The following ACOT7 variants were observed in gnomAD, a reference collection of about 807,000 sequenced individuals.
ACOT7 encodes the protein acyl-CoA thioesterase 7.
Under a neutral mutation model 40.2 loss-of-function variants are expected in ACOT7, and 12 were observed. That is an observed-to-expected ratio of 0.30 (90% CI 0.19 to 0.48). The LOEUF (loss-of-function observed/expected upper bound fraction) is 0.48, where lower values mean the gene tolerates loss of function less well. Among genes scored for constraint, ACOT7 ranks in the 20% least tolerant of loss-of-function variants. ACOT7 has a pLI of 0.99. For missense variants in ACOT7, 395 were observed against 530.8 expected (o/e 0.74, Z 2.51); for synonymous variants, 228 against 219.5 (o/e 1.04, Z -0.34).
intron 4 of ACOT7, among the ~76,000 whole-genome samples, chr1:6,328,051 C>T (rs1571311624): frequency 6.6e-6 from 1 of 152,194 alleles, no homozygotes; most frequent in East Asian, 1.9e-4. Flanking sequence ...GGATTACAGG[C>T]GTGAGCCACC....
intron 7 of ACOT7, among the ~76,000 whole-genome samples, chr1:6,291,293 A>G (rs1639656681): frequency 6.6e-6 from 1 of 152,052 alleles, no homozygotes; most frequent in African/African-American, 2.4e-5. Context: ...TCCTTATAAG[A>G]GACAGAAGAG....
chr1:6,271,001 G>A (rs755070764), intron 8 of ACOT7, among the ~76,000 whole-genome samples: 1 of 152,152 alleles, frequency 6.6e-6, no homozygotes, highest in African/African-American at 2.4e-5. Context: ...AGGGAGCACC[G>A]CCTGGCACTC....
chr1:6,388,984 T>C (rs1642487908), intron 1 of ACOT7, among the ~76,000 whole-genome samples: 1 of 147,814 alleles, frequency 6.8e-6, no homozygotes, highest in Admixed American at 6.9e-5. Flanking sequence ...GAGCTTGCAG[T>C]GAGCCGAGAT....
rs1288563750 is a variant in ACOT7 at position 6,306,034 on chromosome 1, C to G, written c.713-11054G>C. Reference sequence around the variant, plus strand: ...AAACCCCGTCTCCACCAAAAAAATACGAAAACCAGTCAGGCGTGGCGGCGC... The same window carrying G: ...AAACCCCGTCTCCACCAAAAAAATAGGAAAACCAGTCAGGCGTGGCGGCGC... On this transcript the variant is annotated intron_variant, in intron 6 of 8. Coordinates refer to ENST00000361521, the MANE Select transcript of ACOT7 (RefSeq NM_007274.4). This position sits in a 1 kb window ranked among gnomAD's most constrained non-coding sequence, Gnocchi z 4.3. Among the ~76,000 whole-genome samples, 3 of 151,952 alleles carry G rather than the reference C, an allele frequency of 2.0e-5. No homozygotes were observed. The highest frequency in any genetic ancestry group is 4.2e-4 in the South Asian group (2 of 4,806).
rs753650981 is a variant in ACOT7 at position 6,281,139 on chromosome 1, C to T, written c.977G>A (p.Ser326Asn). Residue 326 changes from serine (S) to asparagine (N), a missense_variant, in exon 8 of 9, where the codon AGC (serine) becomes AAC (asparagine). Transcript: ENST00000361521. ...ASAFFTYVSL[S>N]QEGRSLPVPQ... ...CACAGGCAGCGACCTGCCTTCCTGG[C>T]TCAGCGACACGTAGGTGAAGAAGGC... is the stretch of plus-strand genomic sequence containing the variant. 1 of 1,614,060 alleles carries T rather than the reference C, an allele frequency of 6.2e-7. No individual in the cohort carries two copies. The highest frequency in any genetic ancestry group is 8.5e-7 in the Non-Finnish European group (1 of 1,180,046).
chr1:6,343,648 G>A (rs1406037160), intron 2 of ACOT7, among the ~76,000 whole-genome samples: 1 of 152,276 alleles, frequency 6.6e-6, no homozygotes, highest in Admixed American at 6.5e-5. Context: ...GGGCTGCACA[G>A]AGCCAGGCAA....
intron 8 of ACOT7, among the ~76,000 whole-genome samples, chr1:6,266,746 C>T (rs1025804313): frequency 6.6e-6 from 1 of 152,274 alleles, no homozygotes; most frequent in African/African-American, 2.4e-5. Context: ...AGCGGCAAGG[C>T]CGAGGCTCAG....
At chr1:6,268,495 A>G (rs1338942496) in intron 8 of ACOT7, among the ~76,000 whole-genome samples, 2 of 152,190 alleles carry the variant, frequency 1.3e-5, no homozygotes, top group Admixed American at 1.3e-4. Flanking sequence ...CCAGGCCCCA[A>G]AGAGACGGGG....
intron 2 of ACOT7, among the ~76,000 whole-genome samples, chr1:6,343,482 T>C (rs567553494): frequency 1.3e-5 from 2 of 152,392 alleles, no homozygotes; most frequent in South Asian, 4.1e-4. Context: ...GGTGGCCCGA[T>C]GCTTCCCCAT....
intron 7 of ACOT7, among the ~76,000 whole-genome samples, chr1:6,284,576 CAAAAAAAAAAAAAA>C (rs561943319): frequency 6.9e-5 from 4 of 57,980 alleles, no homozygotes; most frequent in Non-Finnish European, 1.4e-4. Context: ...AACTCCATCT[CAAAAAAAAAAAAAA>C]AAAAAAAAAG....
chr1:6,328,399 G>A (rs1274599273), intron 4 of ACOT7, among the ~76,000 whole-genome samples: 2 of 152,164 alleles, frequency 1.3e-5, no homozygotes, highest in Admixed American at 1.3e-4. Flanking sequence ...GGTGGCTCGT[G>A]CCTGTAATCC....
intron 8 of ACOT7, among the ~76,000 whole-genome samples, chr1:6,269,019 A>G (rs1344126878): frequency 1.3e-5 from 2 of 152,182 alleles, no homozygotes; most frequent in Non-Finnish European, 2.9e-5. Context: ...CGATAAGGGG[A>G]TATTCCCTGC....
chr1:6,385,903 G>A, intron 1 of ACOT7: 1 of 1,224,346 alleles, frequency 8.2e-7, no homozygotes, highest in Non-Finnish European at 1.1e-6. Flanking sequence ...GTGATGCAAG[G>A]AATCCATGAC....
chr1:6,375,953 AT>A (rs1291500833), intron 1 of ACOT7, among the ~76,000 whole-genome samples: 6 of 130,150 alleles, frequency 4.6e-5, no homozygotes, highest in East Asian at 2.4e-4. Context: ...AAAAAAAAAA[AT>A]TTTTTTAAAT....
At chr1:6,305,294 A>G in intron 6 of ACOT7, among the ~76,000 whole-genome samples, 1 of 116,902 alleles carries the variant, frequency 8.6e-6, no homozygotes, top group East Asian at 2.4e-4. Flanking sequence ...GTCCGGGCAG[A>G]GGGGCTCCTC....
chr1:6,293,728 G>A (rs1639735473), intron 7 of ACOT7, among the ~76,000 whole-genome samples: 1 of 152,180 alleles, frequency 6.6e-6, no homozygotes, highest in African/African-American at 2.4e-5. Context: ...TCTGCAAAGT[G>A]GAAGAAAGCA....
intron 1 of ACOT7, among the ~76,000 whole-genome samples, chr1:6,351,367 TG>T (rs765103050): frequency 2.6e-5 from 4 of 152,390 alleles, no homozygotes; most frequent in Non-Finnish European, 5.9e-5. Context: ...AAACCTCATT[TG>T]GCTTCTCAAG....
chr1:6,279,529 C>T (rs1470481139), intron 8 of ACOT7, among the ~76,000 whole-genome samples: 3 of 152,180 alleles, frequency 2.0e-5, no homozygotes, highest in Admixed American at 1.3e-4. Context: ...GGCCTGGTCA[C>T]GAGAGTCATG....
rs1639611159 is a variant in ACOT7 at position 6,289,685 on chromosome 1, T to C, written c.829+5179A>G. Among the ~76,000 whole-genome samples, 1 of 151,046 alleles carries C rather than the reference T, an allele frequency of 6.6e-6. No homozygotes were observed. The highest frequency in any genetic ancestry group is 1.5e-5 in the Non-Finnish European group (1 of 67,952). Reference sequence around the variant, plus strand: ...CACTGTGACCAGCCTGCTTTTTTTGTGTGTGTTTTGTTTTGTTTTGTTTTT... The same window carrying C: ...CACTGTGACCAGCCTGCTTTTTTTGCGTGTGTTTTGTTTTGTTTTGTTTTT... On this transcript the variant is annotated intron_variant, in intron 7 of 8. Coordinates refer to ENST00000361521, the MANE Select transcript of ACOT7 (RefSeq NM_007274.4). The surrounding 1 kb of genome is among the most constrained non-coding windows in gnomAD (Gnocchi z 4.6).
Sources: gnomAD v4.1 joint callset for allele counts (sites outside exome capture counted in the v4.1 genomes callset) on GRCh38, gnomAD v4.1.1 for gene constraint, Gnocchi (gnomAD v3.1) non-coding constraint, MANE v1.5 for transcripts, NCBI Gene and HGNC (gene_info 2026-07-23, HGNC 2026-07-21) for gene names.